AVEN: variants seen among roughly 807,000 people sequenced by gnomAD.
The protein encoded by AVEN is apoptosis and caspase activation inhibitor.
AVEN carries 41 observed loss-of-function variants against 38.1 expected under a neutral mutation model. The observed-to-expected ratio is 1.08, with a 90% confidence interval of 0.84 to 1.40. The LOEUF is 1.40. AVEN is among the 40% of genes most tolerant of loss of function. The pLI is 0.00. For missense variants in AVEN, 605 were observed against 438.8 expected, an observed-to-expected ratio of 1.38 and a Z score of -3.38; for synonymous variants, 206 against 171.8, an observed-to-expected ratio of 1.20 and a Z score of -1.56.
intron 2 of AVEN, among the ~76,000 whole-genome samples, chr15:33,992,344 T>G (rs548943141): frequency 2.0e-4 from 31 of 151,934 alleles, no homozygotes; most frequent in Admixed American, 1.8e-3. Flanking sequence ...GAGCCGAGAT[T>G]GCGCCACTGC....
intron 3 of AVEN, among the ~76,000 whole-genome samples, chr15:33,874,809 C>G (rs890796974): frequency 6.6e-6 from 1 of 152,172 alleles, no homozygotes; most frequent in Non-Finnish European, 1.5e-5. Flanking sequence ...ATTTGAAACT[C>G]TGAAGCTACT....
At chr15:33,957,889 A>G (rs994859044) in intron 2 of AVEN, among the ~76,000 whole-genome samples, 2 of 152,166 alleles carry the variant, frequency 1.3e-5, no homozygotes, top group East Asian at 3.8e-4. Context: ...ATTTTATATC[A>G]GCAGTTTCCA....
intron 2 of AVEN, among the ~76,000 whole-genome samples, chr15:33,879,923 T>C (rs1891413871): frequency 6.6e-6 from 1 of 152,208 alleles, no homozygotes; most frequent in South Asian, 2.1e-4. Flanking sequence ...GAATACATTA[T>C]GATTTTCAAT....
At chr15:33,936,683 CAT>C (rs1311075086) in intron 2 of AVEN, among the ~76,000 whole-genome samples, 1 of 152,120 alleles carries the variant, frequency 6.6e-6, no homozygotes, top group Non-Finnish European at 1.5e-5. Context: ...CTAAAATTCA[CAT>C]GAGAGAAGAA....
intron 2 of AVEN, among the ~76,000 whole-genome samples, chr15:33,915,164 G>A (rs540550197): frequency 1.3e-5 from 2 of 152,180 alleles, no homozygotes; most frequent in African/African-American, 2.4e-5. Flanking sequence ...TGGTAGATAG[G>A]AGGCAGGACT....
intron 1 of AVEN, among the ~76,000 whole-genome samples, chr15:34,027,825 CAA>C (rs539182561): frequency 6.5e-5 from 4 of 61,256 alleles, no homozygotes; most frequent in Admixed American, 5.3e-4. Flanking sequence ...AGGTGAGGCT[CAA>C]AAAAAAAAAA....
At chr15:34,072,532 C>T (rs1900648179) in intron 1 of AVEN, among the ~76,000 whole-genome samples, 1 of 148,336 alleles carries the variant, frequency 6.7e-6, no homozygotes, top group African/African-American at 2.5e-5. Context: ...ATCATTTGAA[C>T]CCAGGAGGTG....
At chr15:33,854,798 G>C, downstream of AVEN, 1 of 1,613,216 alleles carries the variant, frequency 6.2e-7, no homozygotes, top group Non-Finnish European at 8.5e-7. Flanking sequence ...ATACAACCAT[G>C]TCAGTCCTGG....
the AVEN span, chr15:33,852,777 C>A: frequency 2.7e-6 from 1 of 372,182 alleles, no homozygotes; most frequent in Non-Finnish European, 5.0e-6. Context: ...TCTGTCATCA[C>A]AATTCTTGGC....
chr15:33,864,358 C>G (rs1273160626), downstream of AVEN, among the ~76,000 whole-genome samples: 1 of 151,804 alleles, frequency 6.6e-6, no homozygotes, highest in African/African-American at 2.4e-5. Context: ...TCCTGTTTAT[C>G]CTTCCCAACA....
At chr15:34,020,247 C>T (rs1898145418) in intron 1 of AVEN, among the ~76,000 whole-genome samples, 1 of 151,758 alleles carries the variant, frequency 6.6e-6, no homozygotes, top group South Asian at 2.1e-4. Context: ...GGAGGCGGAG[C>T]TTGCAGTTAG....
At chr15:34,013,349 A>G (rs1454453224) in intron 1 of AVEN, among the ~76,000 whole-genome samples, 1 of 152,250 alleles carries the variant, frequency 6.6e-6, no homozygotes, top group Non-Finnish European at 1.5e-5. Flanking sequence ...AGTGTGAGCC[A>G]CTGGGCCTGG....
At chr15:34,009,296 A>G (rs1406900819) in intron 1 of AVEN, among the ~76,000 whole-genome samples, 1 of 152,216 alleles carries the variant, frequency 6.6e-6, no homozygotes. Context: ...GGTCCTAAAC[A>G]GCAATTCAAA....
chr15:33,992,259 G>T (rs1053381814), intron 2 of AVEN, among the ~76,000 whole-genome samples: 1 of 152,098 alleles, frequency 6.6e-6, no homozygotes, highest in Non-Finnish European at 1.5e-5. Context: ...GCGTGGTGGC[G>T]GGCACCTGTA....
At chr15:34,031,582 C>A (rs1349886372) in intron 1 of AVEN, among the ~76,000 whole-genome samples, 1 of 152,136 alleles carries the variant, frequency 6.6e-6, no homozygotes, top group Non-Finnish European at 1.5e-5. Flanking sequence ...GGCAAGAGGA[C>A]TCAAAGGTAG....
intron 5 of AVEN, 22 bp from the exon 6 acceptor site, chr15:33,866,750 T>G: frequency 6.5e-7 from 1 of 1,549,474 alleles, no homozygotes. Context: ...AAAACAATGT[T>G]AACACCCTCA....
At chr15:34,054,862 G>A (rs1900069634) in intron 5 of AVEN, among the ~76,000 whole-genome samples, 1 of 152,130 alleles carries the variant, frequency 6.6e-6, no homozygotes. Flanking sequence ...GGAAAAAAAG[G>A]AACAAATGGT....
chr15:34,072,184 T>C (rs1157449996), intron 1 of AVEN, among the ~76,000 whole-genome samples: 2 of 151,598 alleles, frequency 1.3e-5, no homozygotes, highest in Non-Finnish European at 2.9e-5. Context: ...CGGGAGGAAC[T>C]CTTGAGCCCA....
upstream of AVEN, chr15:34,039,237 G>C (rs1370615261): frequency 6.4e-6 from 2 of 310,472 alleles, no homozygotes. Context: ...CCGGCGTCCC[G>C]CAGGTGGGGC....
Sources: gnomAD v4.1 joint callset for allele counts (sites outside exome capture counted in the v4.1 genomes callset) on GRCh38, gnomAD v4.1.1 for gene constraint, MANE v1.5 for transcripts, NCBI Gene and HGNC (gene_info 2026-07-23, HGNC 2026-07-21) for gene names.